XRRA1: variants seen among roughly 807,000 people sequenced by gnomAD.
XRRA1 encodes X-ray radiation resistance associated 1.
Under a neutral mutation model 80.2 loss-of-function variants are expected in XRRA1, and 69 were observed. The observed-to-expected ratio is 0.86, with a 90% CI of 0.71 to 1.05. The LOEUF is 1.05. XRRA1 is among the 50% of genes least tolerant of loss of function. XRRA1 has a pLI of 0.00. For synonymous variants in XRRA1, 348 were observed against 389.9 expected (o/e 0.89, Z 1.27); for missense variants, 967 against 976.4 (o/e 0.99, Z 0.13).
intron 5 of XRRA1, 141 bp from the exon 6 acceptor site, chr11:74,930,513 A>C (rs558936929): frequency 7.7e-6 from 5 of 650,842 alleles, no homozygotes; most frequent in Non-Finnish European, 1.3e-5. Context: ...AGGAGCAGAC[A>C]CTTGAGTGCT....
At chr11:74,856,217 G>A (rs753127996) in intron 12 of XRRA1, among the ~76,000 whole-genome samples, 32 of 152,118 alleles carry the variant, frequency 2.1e-4, no homozygotes, top group Non-Finnish European at 4.0e-4. Context: ...TAGATAATGA[G>A]CATATAAGAT....
chr11:74,921,371 G>A (rs993817648), intron 7 of XRRA1, 24 bp from the exon 8 acceptor site: 1 of 1,613,434 alleles, frequency 6.2e-7, no homozygotes, highest in African/African-American at 1.3e-5. Flanking sequence ...ATGAAAGATG[G>A]GGAAGGTAAG....
intron 10 of XRRA1, among the ~76,000 whole-genome samples, chr11:74,890,604 GA>G: frequency 6.6e-6 from 1 of 152,290 alleles, no homozygotes; most frequent in Admixed American, 6.5e-5. Context: ...AAAAATCAAT[GA>G]ATCCAGGAGC....
intron 10 of XRRA1, among the ~76,000 whole-genome samples, chr11:74,866,780 T>A (rs1475995966): frequency 1.3e-5 from 2 of 150,988 alleles, no homozygotes; most frequent in Non-Finnish European, 2.9e-5. Context: ...AAAGATTATA[T>A]GAAAATATAC....
At chr11:74,913,701 ATACT>A (rs1293392028) in intron 8 of XRRA1, 1 of 152,224 alleles carries the variant, frequency 6.6e-6, no homozygotes, top group Non-Finnish European at 1.5e-5. Flanking sequence ...ACAGAATATC[ATACT>A]GACTGGACCT....
intron 10 of XRRA1, among the ~76,000 whole-genome samples, chr11:74,881,343 G>T (rs1049854883): frequency 1.3e-5 from 2 of 150,680 alleles, no homozygotes; most frequent in South Asian, 2.1e-4. Context: ...CTTTTATTTT[G>T]AGCCTATGTG....
At chr11:74,851,310 A>G in intron 13 of XRRA1, 107 bp from the exon 14 acceptor site, 1 of 757,912 alleles carries the variant, frequency 1.3e-6, no homozygotes, top group Non-Finnish European at 2.0e-6. Flanking sequence ...ACTGAAACTT[A>G]TTCTCAACCC....
intron 10 of XRRA1, among the ~76,000 whole-genome samples, chr11:74,866,651 AATT>A (rs1210225373): frequency 8.1e-6 from 1 of 122,776 alleles, no homozygotes; most frequent in Admixed American, 9.0e-5. Flanking sequence ...AGATTGAAAT[AATT>A]AAAAAAAAAA....
At chr11:74,863,594 G>A in intron 10 of XRRA1, 1 of 153,652 alleles carries the variant, frequency 6.5e-6, no homozygotes, top group South Asian at 2.0e-4. Context: ...TTCATTCTTG[G>A]GACCGTCAGA....
chr11:74,858,425 A>G (rs566766290), intron 12 of XRRA1, among the ~76,000 whole-genome samples: 1 of 152,352 alleles, frequency 6.6e-6, no homozygotes, highest in South Asian at 2.1e-4. Flanking sequence ...AAGAGCTGAA[A>G]CAATAAAACT....
intron 8 of XRRA1, among the ~76,000 whole-genome samples, chr11:74,920,582 A>G (rs2138916726): frequency 6.6e-6 from 1 of 152,358 alleles, no homozygotes; most frequent in South Asian, 2.1e-4. Context: ...ACATGAGAAT[A>G]TAATATAACA....
chr11:74,937,905 G>A (rs1432594207), intron 3 of XRRA1, among the ~76,000 whole-genome samples: 6 of 152,108 alleles, frequency 3.9e-5, no homozygotes, highest in African/African-American at 9.7e-5. Context: ...AGAGCTCACC[G>A]CATTGTGACT....
intron 10 of XRRA1, among the ~76,000 whole-genome samples, chr11:74,900,470 T>C (rs1475155439): frequency 1.3e-5 from 2 of 151,980 alleles, no homozygotes; most frequent in African/African-American, 2.4e-5. Context: ...TAATCCCAGC[T>C]ACTTGGGAGG....
intron 8 of XRRA1, among the ~76,000 whole-genome samples, chr11:74,918,325 T>TGTGTGTGTGTGTGC (rs764231241): frequency 6.6e-6 from 1 of 151,214 alleles, no homozygotes. Context: ...TGTGTGTGTG[T>TGTGTGTGTGTGTGC]GCACTCGCAT....
chr11:74,861,985 C>G (rs973756345), intron 11 of XRRA1, among the ~76,000 whole-genome samples: 1 of 152,190 alleles, frequency 6.6e-6, no homozygotes, highest in African/African-American at 2.4e-5. Context: ...GGGTCAGCGT[C>G]AGAATAGTAC....
intron 6 of XRRA1, among the ~76,000 whole-genome samples, chr11:74,927,977 A>G (rs950075455): frequency 1.3e-5 from 2 of 152,232 alleles, no homozygotes; most frequent in East Asian, 3.8e-4. Flanking sequence ...GTCATACTGT[A>G]CACACTGTAC....
At position 74,921,029 on chromosome 11, in the gene XRRA1, C is replaced by T. The variant is rs1413007489; in HGVS notation, c.656+185G>A. On this transcript the variant is annotated intron_variant, in intron 8 of 18. Coordinates refer to ENST00000684022, the MANE Select transcript of XRRA1 (RefSeq NM_001378157.1). Reference sequence around the variant, plus strand: ...AGTGGCTTGCCAAACACCTGGATCTCTCCTAACAGCACACAGGAAATTGGG... The same window carrying T: ...AGTGGCTTGCCAAACACCTGGATCTTTCCTAACAGCACACAGGAAATTGGG... Among the ~76,000 whole-genome samples, 3 of 152,294 alleles carry T rather than the reference C, an allele frequency of 2.0e-5. No individual in the cohort carries two copies. In the East Asian group the frequency reaches 5.8e-4, roughly 29 times the overall value.
At chr11:74,852,179 G>C in intron 12 of XRRA1, 97 bp from the exon 13 acceptor site, 1 of 1,018,728 alleles carries the variant, frequency 9.8e-7, no homozygotes, top group Admixed American at 1.8e-5. Context: ...ATGCTTGCTA[G>C]GATTGGGGGT....
chr11:74,901,226 T>G (rs2053524525), intron 10 of XRRA1, among the ~76,000 whole-genome samples: 1 of 151,856 alleles, frequency 6.6e-6, no homozygotes, highest in South Asian at 2.1e-4. Flanking sequence ...TACCTAGGAA[T>G]TAACCAAAGA....
Sources: allele counts gnomAD v4.1 joint callset (sites outside exome capture counted in the v4.1 genomes callset), GRCh38; gene constraint gnomAD v4.1.1; transcripts MANE v1.5; gene names NCBI Gene and HGNC (gene_info 2026-07-23, HGNC 2026-07-21).